The following RAB38 variants were observed in gnomAD, a reference collection of about 807,000 sequenced individuals.
RAB38 encodes RAB38, member RAS oncogene family.
RAB38 carries 15 observed loss-of-function variants against 18.4 expected under a neutral mutation model. The ratio of observed to expected loss-of-function variants is 0.82; its 90% CI spans 0.55 to 1.26. The LOEUF (loss-of-function observed/expected upper bound fraction) is 1.26, where lower values mean the gene tolerates loss of function less well. RAB38 is among the 50% of genes most tolerant of loss of function. RAB38 has a pLI of 0.00. For missense variants in RAB38, 294 were observed against 267.4 expected, an observed-to-expected ratio of 1.10 and a Z score of -0.69; for synonymous variants, 101 against 104.4, an observed-to-expected ratio of 0.97 and a Z score of 0.20.
chr11:88,082,766 A>G, the RAB38 span, among the ~76,000 whole-genome samples: 11 of 151,992 alleles, frequency 7.2e-5, no homozygotes, highest in African/African-American at 2.2e-4. Flanking sequence ...AATTTTTGCA[A>G]TTGCTCTCTA....
chr11:88,116,226 G>A (rs148077179), intron 2 of RAB38, among the ~76,000 whole-genome samples: 2 of 152,284 alleles, frequency 1.3e-5, no homozygotes, highest in Non-Finnish European at 2.9e-5. Context: ...GTGACTGAGT[G>A]GAAGCCTGTC....
chr11:88,090,267 G>A, the RAB38 span, among the ~76,000 whole-genome samples: 1 of 151,952 alleles, frequency 6.6e-6, no homozygotes, highest in South Asian at 2.1e-4. Flanking sequence ...TAGAAAATAA[G>A]TTTCTTTTTC....
At chr11:88,006,623 T>TA in the RAB38 span, among the ~76,000 whole-genome samples, 5,079 of 92,822 alleles carry the variant, frequency 0.055, 145 homozygotes, top group African/African-American at 0.099. Flanking sequence ...TATATGTATA[T>TA]ATAATATATA....
At chr11:87,882,064 C>T in the RAB38 span, among the ~76,000 whole-genome samples, 3 of 151,936 alleles carry the variant, frequency 2.0e-5, no homozygotes, top group Non-Finnish European at 4.4e-5. Context: ...CCTTACCGGT[C>T]CCCCAAACTA....
At chr11:88,012,785 C>T in the RAB38 span, among the ~76,000 whole-genome samples, 1 of 152,154 alleles carries the variant, frequency 6.6e-6, no homozygotes, top group Admixed American at 6.5e-5. Context: ...CTCAATGTCC[C>T]AGTGGGTGCT....
the RAB38 span, among the ~76,000 whole-genome samples, chr11:87,921,256 G>A: frequency 3.9e-5 from 6 of 151,908 alleles, no homozygotes; most frequent in Non-Finnish European, 8.8e-5. Context: ...TTTGAATTTC[G>A]ATCATTTCCT....
chr11:87,816,226 G>A, the RAB38 span: 4 of 152,366 alleles, frequency 2.6e-5, no homozygotes, highest in African/African-American at 9.7e-5. Flanking sequence ...TAGCAATAAT[G>A]GCATATCCTT....
chr11:87,947,237 T>A, the RAB38 span, among the ~76,000 whole-genome samples: 1 of 151,386 alleles, frequency 6.6e-6, no homozygotes, highest in African/African-American at 2.4e-5. Context: ...TTGATGGGGT[T>A]GTTTTTTTTC....
chr11:88,129,943 A>T lies in RAB38; in HGVS notation c.484-15803T>A, dbSNP rs1424975559. Among the ~76,000 whole-genome samples the T allele has an allele frequency of 6.6e-5, 9 of 136,732 alleles. No individual in the cohort carries two copies. In the East Asian group the frequency reaches 2.6e-3, roughly 39 times the overall value. 89.7% of individuals were successfully genotyped at this position (136,732 alleles called of 152,430 possible). ...ATATTCAAAGGTGTGGAACAAAAAA[A>T]AACAGCCATAAATTTTGAACCAAGG... On this transcript the variant is annotated intron_variant, in intron 2 of 2. Transcript: ENST00000243662.
the RAB38 span, among the ~76,000 whole-genome samples, chr11:88,003,790 T>C: frequency 1.0e-4 from 1 of 9,660 alleles, no homozygotes; most frequent in African/African-American, 5.1e-4. Context: ...ATAATATATA[T>C]AATATATTGT....
At chr11:87,978,006 ATAT>A in the RAB38 span, among the ~76,000 whole-genome samples, 3 of 83,322 alleles carry the variant, frequency 3.6e-5, no homozygotes, top group African/African-American at 1.5e-4. Flanking sequence ...TATTATTTTA[ATAT>A]TATATAAATA....
At chr11:88,030,230 T>C in the RAB38 span, among the ~76,000 whole-genome samples, 1 of 152,090 alleles carries the variant, frequency 6.6e-6, no homozygotes, top group Non-Finnish European at 1.5e-5. Context: ...TTTAAGGCAG[T>C]GTGTAGAGAG....
the RAB38 span, among the ~76,000 whole-genome samples, chr11:88,029,661 A>C: frequency 6.6e-6 from 1 of 152,184 alleles, no homozygotes; most frequent in Non-Finnish European, 1.5e-5. Flanking sequence ...AAAGGCATCA[A>C]TTCAACAAGA....
At chr11:87,960,938 A>G in the RAB38 span, among the ~76,000 whole-genome samples, 1 of 152,138 alleles carries the variant, frequency 6.6e-6, no homozygotes, top group African/African-American at 2.4e-5. Context: ...AGGAGAAATT[A>G]CTCATGTTAA....
At chr11:87,954,525 T>C in the RAB38 span, among the ~76,000 whole-genome samples, 1 of 152,124 alleles carries the variant, frequency 6.6e-6, no homozygotes, top group Non-Finnish European at 1.5e-5. Flanking sequence ...AAGACCTGCA[T>C]AAATGCACGC....
chr11:87,828,423 G>A, the RAB38 span, among the ~76,000 whole-genome samples: 18 of 152,226 alleles, frequency 1.2e-4, no homozygotes, highest in South Asian at 3.7e-3. Flanking sequence ...ACATTTGGCA[G>A]TTAAGAATGT....
chr11:88,070,787 C>G, the RAB38 span, among the ~76,000 whole-genome samples: 1 of 152,162 alleles, frequency 6.6e-6, no homozygotes, highest in Non-Finnish European at 1.5e-5. Flanking sequence ...CAAAATGTAA[C>G]TTATTTGGAT....
chr11:88,035,969 T>C, the RAB38 span, among the ~76,000 whole-genome samples: 1 of 152,114 alleles, frequency 6.6e-6, no homozygotes, highest in South Asian at 2.1e-4. Context: ...TAGTTGTCAG[T>C]CCCCATATGA....
the RAB38 span, among the ~76,000 whole-genome samples, chr11:87,878,204 C>CATATATATATAT: frequency 1.4e-4 from 14 of 98,240 alleles, no homozygotes; most frequent in African/African-American, 6.1e-4. Context: ...ATGTGCTAAA[C>CATATATATATAT]ATATATATAT....
Sources: gnomAD v4.1 joint callset for allele counts (sites outside exome capture counted in the v4.1 genomes callset) on GRCh38, gnomAD v4.1.1 for gene constraint, MANE v1.5 for transcripts, NCBI Gene and HGNC (gene_info 2026-07-23, HGNC 2026-07-21) for gene names.